Variants in ARHGAP29 observed in about 807,000 individuals in gnomAD.
The protein encoded by ARHGAP29 is Rho GTPase activating protein 29.
Under a neutral mutation model 122.6 loss-of-function variants are expected in ARHGAP29, and 43 were observed. That is an observed-to-expected ratio of 0.35 (90% CI 0.27 to 0.45). The LOEUF (loss-of-function observed/expected upper bound fraction) is 0.45, where lower values mean the gene tolerates loss of function less well. Among genes scored for constraint, ARHGAP29 ranks in the 20% least tolerant of loss-of-function variants. The pLI is 1.00. For missense variants in ARHGAP29, 1,303 were observed against 1,477.2 expected (o/e 0.88, Z 1.93); for synonymous variants, 506 against 497.1 (o/e 1.02, Z -0.24).
At chr1:94,205,485 T>A (rs1263634458) in intron 6 of ARHGAP29, 150 bp downstream of exon 6, 1 of 727,350 alleles carries the variant, frequency 1.4e-6, no homozygotes, top group East Asian at 2.7e-5. Flanking sequence ...GCAGGTTATT[T>A]CCCTTAAGCT....
chr1:94,214,272 T>C (rs1651822951), intron 3 of ARHGAP29, among the ~76,000 whole-genome samples: 1 of 152,218 alleles, frequency 6.6e-6, no homozygotes, highest in African/African-American at 2.4e-5. Flanking sequence ...CTCTGTTCAA[T>C]ATCTATCTGT....
intron 1 of ARHGAP29, chr1:94,247,780 C>G (rs1008555676): frequency 4.5e-6 from 2 of 445,472 alleles, no homozygotes; most frequent in Non-Finnish European, 5.9e-6. Flanking sequence ...CTGCCCCGCC[C>G]CTTGGAGCCC....
upstream of ARHGAP29, among the ~76,000 whole-genome samples, chr1:94,277,255 T>A (rs552535170): frequency 6.6e-6 from 1 of 152,224 alleles, no homozygotes; most frequent in Admixed American, 6.5e-5. Context: ...CGGAAGATCT[T>A]GTTCCTAGGA....
intron 1 of ARHGAP29, among the ~76,000 whole-genome samples, chr1:94,231,907 C>A (rs563223144): frequency 1.3e-5 from 2 of 152,208 alleles, no homozygotes; most frequent in South Asian, 4.1e-4. Flanking sequence ...AAATGAGGAA[C>A]CTGAGGTTTA....
At chr1:94,236,633 G>A (rs1483629866) in intron 1 of ARHGAP29, among the ~76,000 whole-genome samples, 3 of 152,044 alleles carry the variant, frequency 2.0e-5, no homozygotes, top group East Asian at 1.9e-4. Flanking sequence ...CGTCAGTCAC[G>A]AGGGTTCCAC....
At chr1:94,311,846 C>T in the ARHGAP29 span, among the ~76,000 whole-genome samples, 2 of 152,224 alleles carry the variant, frequency 1.3e-5, no homozygotes, top group Admixed American at 1.3e-4. Context: ...GTCTGCCCTC[C>T]TATTAACAAT....
At chr1:94,237,269 T>C (rs1653336605) in intron 1 of ARHGAP29, 146 bp downstream of exon 1, 1 of 513,316 alleles carries the variant, frequency 1.9e-6, no homozygotes, top group African/African-American at 2.1e-5. Context: ...CACCCGTCCC[T>C]AGCGCAGCCT....
chr1:94,201,825 A>G lies in ARHGAP29; in HGVS notation c.1176T>C (p.Cys392=), dbSNP rs1650869785. The part of the protein sequence containing the change: ...VEEANELYKV[C]VTNVEERRND... ...TTCTTCTTTCTTCAACATTTGTCAC[A>G]CAAACTTTGTAAAGTTCATTTGCTT... is the stretch of plus-strand genomic sequence containing the variant. Residue 392 remains cysteine (C), a synonymous_variant, in exon 12 of 23, where the codon TGT becomes TGC. Transcript: ENST00000260526. 1 of 1,612,480 alleles carries G rather than the reference A, an allele frequency of 6.2e-7. No homozygotes were observed. The highest frequency in any genetic ancestry group is 8.5e-7 in the Non-Finnish European group (1 of 1,179,328).
intron 12 of ARHGAP29, chr1:94,192,611 G>C (rs1425463596): frequency 6.6e-6 from 1 of 152,192 alleles, no homozygotes; most frequent in East Asian, 1.9e-4. Flanking sequence ...AAACTCTGAT[G>C]GAAATCCTTG....
chr1:94,310,287 G>C, the ARHGAP29 span, among the ~76,000 whole-genome samples: 1 of 152,178 alleles, frequency 6.6e-6, no homozygotes, highest in Non-Finnish European at 1.5e-5. Flanking sequence ...TGAAGAGGAA[G>C]GAGATCCTCA....
chr1:94,193,738 T>C lies in ARHGAP29; in HGVS notation c.1282-3655A>G, dbSNP rs1570512956. The C allele has an allele frequency of 2.6e-5, 4 of 152,180 alleles. No homozygotes were observed. In the South Asian group the frequency reaches 8.3e-4, roughly 31 times the overall value. The allele number at this position is 152,180 out of a possible 1,614,324, so 9.4% of individuals were successfully genotyped here. A position where few individuals can be genotyped will look rare whatever the true frequency, so the allele number is the denominator to read the frequency against. ...AAGACGAAATAAAGACATTCTCATA[T>C]GAAACACAACCAAGTGAATCCATTA... is the stretch of plus-strand genomic sequence containing the variant. On this transcript the variant is annotated intron_variant, in intron 12 of 22. Coordinates refer to ENST00000260526, the MANE Select transcript of ARHGAP29 (RefSeq NM_004815.4).
chr1:94,252,790 T>G (rs1308967777), intron 1 of ARHGAP29, among the ~76,000 whole-genome samples: 1 of 152,198 alleles, frequency 6.6e-6, no homozygotes, highest in Non-Finnish European at 1.5e-5. Context: ...CACGATTGTT[T>G]TTTTCTTTCA....
intron 1 of ARHGAP29, among the ~76,000 whole-genome samples, chr1:94,269,414 G>C (rs1426861752): frequency 6.6e-6 from 1 of 152,178 alleles, no homozygotes; most frequent in African/African-American, 2.4e-5. Flanking sequence ...AACACAAGCA[G>C]TTAGGAGATA....
At chr1:94,288,360 T>C in the ARHGAP29 span, among the ~76,000 whole-genome samples, 2 of 152,240 alleles carry the variant, frequency 1.3e-5, no homozygotes, top group Admixed American at 1.3e-4. Flanking sequence ...TTTTTTCTTG[T>C]AAATTTGTCT....
intron 1 of ARHGAP29, among the ~76,000 whole-genome samples, chr1:94,269,598 G>C (rs1402333834): frequency 6.6e-6 from 1 of 150,784 alleles, no homozygotes; most frequent in African/African-American, 2.4e-5. Context: ...TAATAACAAT[G>C]ATGGTAAGGA....
chr1:94,169,252 A>G lies in ARHGAP29; in HGVS notation c.*4617T>C, dbSNP rs1648564292. ...CAGATGACAGGAGCCTAGGATTCCA[A>G]TGGTGTGCTCAGGACTGACATCACT... On this transcript the variant is annotated 3_prime_UTR_variant, in exon 23 of 23. Coordinates refer to ENST00000260526, the MANE Select transcript of ARHGAP29 (RefSeq NM_004815.4). Among the ~76,000 whole-genome samples the G allele has an allele frequency of 6.6e-6, 1 of 152,168 alleles. No individual in the cohort carries two copies. The highest frequency in any genetic ancestry group is 2.4e-5 in the African/African-American group (1 of 41,456).
chr1:94,248,658 G>T (rs1653937411), intron 1 of ARHGAP29, among the ~76,000 whole-genome samples: 1 of 152,212 alleles, frequency 6.6e-6, no homozygotes, highest in South Asian at 2.1e-4. Flanking sequence ...TTCGTTAGGA[G>T]AAATATATTT....
In ARHGAP29 at chr1:94,214,853, C is replaced by A. The variant is rs573617268; in HGVS notation, c.340+5405G>T. ...AACTTTCAAATGTTTTTGACCACAA[C>A]CTTGGGAAAAAATACATATTGCATC... is the stretch of plus-strand genomic sequence containing the variant. On this transcript the variant is annotated intron_variant, in intron 3 of 22. Transcript: ENST00000260526. Among the ~76,000 whole-genome samples, 7 of 152,174 alleles carry A rather than the reference C, an allele frequency of 4.6e-5. No individual in the cohort carries two copies. In the South Asian group the frequency reaches 1.2e-3, roughly 27 times the overall value.
At chr1:94,223,807 CCT>C (rs1652462037) in intron 2 of ARHGAP29, among the ~76,000 whole-genome samples, 1 of 144,436 alleles carries the variant, frequency 6.9e-6, no homozygotes, top group Admixed American at 6.9e-5. Context: ...TAAAACCTTC[CCT>C]TTTTTTTTTT....
Sources: allele counts gnomAD v4.1 joint callset (sites outside exome capture counted in the v4.1 genomes callset), GRCh38; gene constraint gnomAD v4.1.1; transcripts MANE v1.5; gene names NCBI Gene and HGNC (gene_info 2026-07-23, HGNC 2026-07-21).